Variants in CTNNA2 observed in about 807,000 individuals in gnomAD.
CTNNA2 encodes catenin alpha-2.
CTNNA2 carries 42 observed loss-of-function variants against 101.0 expected under a neutral mutation model. The ratio of observed to expected loss-of-function variants is 0.42; its 90% CI spans 0.32 to 0.54. The LOEUF (loss-of-function observed/expected upper bound fraction) is 0.54, where lower values mean the gene tolerates loss of function less well. Ranked by LOEUF, CTNNA2 falls within the 20% of genes least tolerant of loss-of-function variation. The probability of loss-of-function intolerance (pLI) is 0.14; values close to 1 mark genes in which losing one functional copy is unlikely to be tolerated. For missense variants in CTNNA2, 871 were observed against 1,223.1 expected (o/e 0.71, Z 4.29); for synonymous variants, 450 against 456.4 (o/e 0.99, Z 0.18).
At chr2:80,089,515 C>T (rs903656564) in intron 7 of CTNNA2, among the ~76,000 whole-genome samples, 12 of 151,776 alleles carry the variant, frequency 7.9e-5, no homozygotes, top group Admixed American at 6.6e-4. Context: ...CAACCAATTA[C>T]GCTCATAGAT....
intron 7 of CTNNA2, among the ~76,000 whole-genome samples, chr2:80,049,327 G>A (rs954066493): frequency 1.3e-5 from 2 of 152,064 alleles, no homozygotes; most frequent in African/African-American, 4.8e-5. Context: ...GACATCAACC[G>A]TCATCTGAAA....
intron 2 of CTNNA2, among the ~76,000 whole-genome samples, chr2:79,691,420 T>C (rs765251244): frequency 2.0e-5 from 3 of 151,784 alleles, no homozygotes; most frequent in Non-Finnish European, 2.9e-5. Context: ...TAGTAAGATA[T>C]ATATTAGTAA....
chr2:79,821,277 T>C (rs866812878), intron 3 of CTNNA2, among the ~76,000 whole-genome samples: 4 of 152,162 alleles, frequency 2.6e-5, no homozygotes, highest in East Asian at 3.9e-4. Context: ...GGTGTGATCA[T>C]AGCTCACTGC....
intron 2 of CTNNA2, among the ~76,000 whole-genome samples, chr2:79,739,850 G>A (rs987120048): frequency 1.3e-5 from 2 of 152,166 alleles, no homozygotes; most frequent in Non-Finnish European, 2.9e-5. Context: ...AAAGGTGACT[G>A]CACTATTCAT....
chr2:79,684,104 T>A, intron 2 of CTNNA2, among the ~76,000 whole-genome samples: 1 of 152,136 alleles, frequency 6.6e-6, no homozygotes, highest in Admixed American at 6.6e-5. Flanking sequence ...GGAGCCAGGA[T>A]AATGAACAAT....
chr2:80,092,299 C>T (rs1447412531), intron 7 of CTNNA2, among the ~76,000 whole-genome samples: 4 of 152,126 alleles, frequency 2.6e-5, no homozygotes, highest in Non-Finnish European at 4.4e-5. Flanking sequence ...TTGCATTCCT[C>T]ATCAGTAGGA....
intron 2 of CTNNA2, among the ~76,000 whole-genome samples, chr2:79,661,195 T>C (rs1280706685): frequency 6.6e-6 from 1 of 152,196 alleles, no homozygotes. Flanking sequence ...TTAGCATAAA[T>C]ATTTTCACAG....
chr2:79,383,605 C>T (rs569337784), intron 4 of CTNNA2, among the ~76,000 whole-genome samples: 1 of 152,220 alleles, frequency 6.6e-6, no homozygotes, highest in South Asian at 2.1e-4. Context: ...CGTATGCAGG[C>T]AGATGTTAAA....
intron 2 of CTNNA2, among the ~76,000 whole-genome samples, chr2:79,686,435 G>T (rs1683934715): frequency 6.6e-6 from 1 of 152,040 alleles, no homozygotes; most frequent in African/African-American, 2.4e-5. Flanking sequence ...CCTTAATGTG[G>T]TTTTCATACA....
At chr2:80,178,172 C>T (rs1705518326) in intron 7 of CTNNA2, among the ~76,000 whole-genome samples, 1 of 152,220 alleles carries the variant, frequency 6.6e-6, no homozygotes. Context: ...GCCATTTCCT[C>T]ATGTAACTTA....
At chr2:79,218,318 T>G (rs1558577140) in intron 2 of CTNNA2, among the ~76,000 whole-genome samples, 2 of 58,478 alleles carry the variant, frequency 3.4e-5, no homozygotes, top group African/African-American at 4.6e-5. Flanking sequence ...ACTTTGTGTG[T>G]GTGTGTGTGT....
At chr2:79,832,897 A>G (rs1435311602) in intron 3 of CTNNA2, among the ~76,000 whole-genome samples, 3 of 152,202 alleles carry the variant, frequency 2.0e-5, no homozygotes, top group Non-Finnish European at 4.4e-5. Context: ...ATTCTCGTAA[A>G]TTTTAAACCT....
chr2:80,251,895 A>G (rs925573413), intron 7 of CTNNA2, among the ~76,000 whole-genome samples: 8 of 152,198 alleles, frequency 5.3e-5, no homozygotes, highest in Non-Finnish European at 1.2e-4. Flanking sequence ...TCCCTGTTCT[A>G]GTAATAAACT....
chr2:80,462,697 T>A (rs1684544084), intron 9 of CTNNA2, among the ~76,000 whole-genome samples: 1 of 135,914 alleles, frequency 7.4e-6, no homozygotes, highest in African/African-American at 2.8e-5. Context: ...GCCTAAAGAG[T>A]CACTATTAAT....
At chr2:79,279,295 G>C (rs1216287157) in intron 2 of CTNNA2, among the ~76,000 whole-genome samples, 1 of 152,088 alleles carries the variant, frequency 6.6e-6, no homozygotes, top group African/African-American at 2.4e-5. Flanking sequence ...CAGAAGGCAG[G>C]AGTGGATGGT....
intron 1 of CTNNA2, among the ~76,000 whole-genome samples, chr2:79,539,766 C>T (rs1011960321): frequency 1.3e-5 from 2 of 152,078 alleles, no homozygotes; most frequent in African/African-American, 4.8e-5. Flanking sequence ...CTTCCACTTC[C>T]ACATCAATAA....
rs113535840 is a variant in CTNNA2 at position 80,392,162 on chromosome 2, C to A, written c.1057-1049C>A. Among the ~76,000 whole-genome samples the A allele has an allele frequency of 1.9e-3, 294 of 152,210 alleles. 2 individuals carry two copies. The highest frequency in any genetic ancestry group is 6.9e-3 in the African/African-American group (285 of 41,528). On this transcript the variant is annotated intron_variant, in intron 7 of 18. Coordinates refer to ENST00000402739, the MANE Select transcript of CTNNA2 (RefSeq NM_001282597.3). Reference sequence around the variant, plus strand: ...GTTGGATGGTAATTTTTATGCATTGCCAAATCATGTTATCCCATTAGGCAC... The same window carrying A: ...GTTGGATGGTAATTTTTATGCATTGACAAATCATGTTATCCCATTAGGCAC...
chr2:79,474,628 C>A (rs1558676146), intron 4 of CTNNA2, among the ~76,000 whole-genome samples: 1 of 152,056 alleles, frequency 6.6e-6, no homozygotes, highest in African/African-American at 2.4e-5. Context: ...ATAGAGTAAT[C>A]ATTATATTTT....
chr2:80,205,752 G>A (rs1361454039), intron 7 of CTNNA2, among the ~76,000 whole-genome samples: 1 of 151,984 alleles, frequency 6.6e-6, no homozygotes, highest in Non-Finnish European at 1.5e-5. Context: ...ATGTCTTAAG[G>A]TACTCCTCAA....
Sources: gnomAD v4.1 joint callset for allele counts (sites outside exome capture counted in the v4.1 genomes callset) on GRCh38, gnomAD v4.1.1 for gene constraint, MANE v1.5 for transcripts, NCBI Gene and HGNC (gene_info 2026-07-23, HGNC 2026-07-21) for gene names.